The following SNURF variants were observed in gnomAD, a reference collection of about 807,000 sequenced individuals.
The protein encoded by SNURF is SNURF protein.
A neutral mutation model predicts 11.6 loss-of-function variants in SNURF; 6 were observed. The ratio of observed to expected loss-of-function variants is 0.52; its 90% CI spans 0.28 to 1.02. The LOEUF (loss-of-function observed/expected upper bound fraction) is 1.02, where lower values mean the gene tolerates loss of function less well. SNURF is among the 50% of genes least tolerant of loss of function. The pLI is 0.09. For missense variants in SNURF, 84 were observed against 88.4 expected (o/e 0.95, Z 0.20); for synonymous variants, 29 against 31.6 (o/e 0.92, Z 0.27).
downstream of SNURF, among the ~76,000 whole-genome samples, chr15:24,971,591 G>A (rs1449233416): frequency 6.6e-6 from 1 of 151,890 alleles, no homozygotes; most frequent in East Asian, 1.9e-4. Flanking sequence ...TAGGTCTTCA[G>A]TTCTTTGGGC....
intron 2 of SNURF, among the ~76,000 whole-genome samples, chr15:24,965,017 C>A (rs138625179): frequency 6.6e-6 from 1 of 152,012 alleles, no homozygotes; most frequent in East Asian, 1.9e-4. Context: ...AATTTTTCCC[C>A]CTTGTGCGTT....
At chr15:24,959,154 G>C (rs1212370227) in intron 1 of SNURF, among the ~76,000 whole-genome samples, 1 of 152,090 alleles carries the variant, frequency 6.6e-6, no homozygotes, top group East Asian at 1.9e-4. Context: ...TGATCTGAGG[G>C]CAAACATTTA....
chr15:24,976,273 TTA>T, intron 4 of SNURF: 1 of 1,537,136 alleles, frequency 6.5e-7, no homozygotes, highest in South Asian at 1.1e-5. Context: ...TCACTAAAAT[TTA>T]TCTCACTAAA....
downstream of SNURF, among the ~76,000 whole-genome samples, chr15:24,969,263 G>A (rs950550678): frequency 6.6e-6 from 1 of 151,986 alleles, no homozygotes; most frequent in Non-Finnish European, 1.5e-5. Flanking sequence ...CAAGTATCTG[G>A]GATTATAGGC....
At chr15:24,962,000 A>T in intron 1 of SNURF, 114 bp from the exon 2 acceptor site, 1 of 938,166 alleles carries the variant, frequency 1.1e-6, no homozygotes, top group African/African-American at 1.6e-5. Flanking sequence ...ACCTTGTTTT[A>T]ATTAGATTTA....
chr15:24,973,460 C>T (rs541302562), downstream of SNURF, among the ~76,000 whole-genome samples: 32 of 152,120 alleles, frequency 2.1e-4, no homozygotes, highest in South Asian at 3.3e-3. Context: ...TGCAGTGGCG[C>T]GATCTCAGCT....
chr15:24,962,306 T>G, intron 2 of SNURF, 97 bp downstream of exon 2: 1 of 969,268 alleles, frequency 1.0e-6, no homozygotes, highest in Non-Finnish European at 1.6e-6. Flanking sequence ...TGAACATAAT[T>G]GAAGAAGCAG....
At chr15:24,977,115 G>A in intron 6 of SNURF, 3 of 1,048,266 alleles carry the variant, frequency 2.9e-6, no homozygotes, top group Non-Finnish European at 4.0e-6. Flanking sequence ...AAGTGTATGT[G>A]TCATACAATG....
At chr15:24,977,573 G>C (rs2077209134) in intron 6 of SNURF, among the ~76,000 whole-genome samples, 1 of 152,146 alleles carries the variant, frequency 6.6e-6, no homozygotes, top group Non-Finnish European at 1.5e-5. Context: ...AGGAGTGGGA[G>C]GCTGCAGTGA....
At chr15:24,968,163 C>A in exon 3 of SNURF, 1 of 844,794 alleles carries the variant, frequency 1.2e-6, no homozygotes, top group Non-Finnish European at 1.9e-6. Context: ...TTATCAGTGA[C>A]ACATTAATTT....
chr15:24,969,490 T>G (rs373016790), downstream of SNURF, among the ~76,000 whole-genome samples: 1 of 152,212 alleles, frequency 6.6e-6, no homozygotes, highest in African/African-American at 2.4e-5. Context: ...TCTTGAATCC[T>G]TTATACACAA....
rs113756180 is a variant in SNURF, at chr15:24,968,217, T to C, written c.*180T>C. On this transcript the variant is annotated 3_prime_UTR_variant, in exon 3 of 3. Coordinates refer to ENST00000577949, the Ensembl canonical transcript of SNURF. ...ACAATAAACACATTGCAGAAAGTTT[T>C]AGAAAGTTTTGCAGGACCTTAAATT... 6.4e-3 allele frequency: 3,942 copies of C among 611,708 alleles called. 99 individuals are homozygous for C. In the African/African-American group the frequency reaches 0.066, roughly 10 times the overall value. 37.9% of individuals were successfully genotyped at this position (611,708 alleles called of 1,614,324 possible). A position where few individuals can be genotyped will look rare whatever the true frequency, so the allele number is the denominator to read the frequency against.
At chr15:24,964,105 A>AT (rs781236987) in intron 2 of SNURF, among the ~76,000 whole-genome samples, 5 of 148,862 alleles carry the variant, frequency 3.4e-5, no homozygotes, top group Non-Finnish European at 7.4e-5. Context: ...TTTTTTTTTT[A>AT]TTTTTTCCTA....
At chr15:24,978,483 A>G (rs554720050), downstream of SNURF, 74 of 1,579,286 alleles carry the variant, frequency 4.7e-5, no homozygotes, top group South Asian at 7.7e-5. Flanking sequence ...TTCCCCTGCA[A>G]TGCGTCTTGT....
downstream of SNURF, chr15:24,978,004 T>C: frequency 7.5e-7 from 1 of 1,341,412 alleles, no homozygotes; most frequent in East Asian, 2.3e-5. Flanking sequence ...AGCCTAAGAA[T>C]TTGGGGAATA....
intron 2 of SNURF, among the ~76,000 whole-genome samples, chr15:24,964,760 T>G (rs1377582139): frequency 6.6e-6 from 1 of 152,224 alleles, no homozygotes; most frequent in East Asian, 1.9e-4. Context: ...TGCTATATTT[T>G]TGTTACAGTT....
chr15:24,973,404 T>C (rs1265349686), downstream of SNURF, among the ~76,000 whole-genome samples: 1 of 152,062 alleles, frequency 6.6e-6, no homozygotes, highest in Admixed American at 6.5e-5. Context: ...TTATTTATTT[T>C]GAGATGAAGT....
chr15:24,974,862 C>T (rs2076885360), intron 3 of SNURF: 1 of 698,836 alleles, frequency 1.4e-6, no homozygotes, highest in Non-Finnish European at 2.6e-6. Flanking sequence ...CTGTGCCTGG[C>T]CATGAGAAAT....
intron 6 of SNURF, chr15:24,977,119 T>C (rs2077146140): frequency 2.8e-6 from 3 of 1,053,050 alleles, no homozygotes; most frequent in Non-Finnish European, 4.0e-6. Context: ...GTATGTGTCA[T>C]ACAATGTAAA....
Sources: allele counts gnomAD v4.1 joint callset (sites outside exome capture counted in the v4.1 genomes callset), GRCh38; gene constraint gnomAD v4.1.1; transcripts MANE v1.5; gene names NCBI Gene and HGNC (gene_info 2026-07-23, HGNC 2026-07-21).